Variants in RIMKLB observed in about 807,000 individuals in gnomAD.
The protein encoded by RIMKLB is ribosomal modification protein rimK like family member B.
Under a neutral mutation model 32.0 loss-of-function variants are expected in RIMKLB, and 7 were observed. That is an observed-to-expected ratio of 0.22 (90% confidence interval 0.12 to 0.41). The LOEUF is 0.41. Ranked by LOEUF, RIMKLB falls within the 10% of genes least tolerant of loss-of-function variation. The pLI, the probability that RIMKLB is intolerant of heterozygous loss-of-function variation, is 1.00. For missense variants in RIMKLB, 289 were observed against 498.7 expected (o/e 0.58, Z 4.00); for synonymous variants, 172 against 185.1 (o/e 0.93, Z 0.57).
At chr12:8,713,622 A>G (rs1944557238) in intron 1 of RIMKLB, 189 bp from the exon 2 acceptor site, 5 of 450,924 alleles carry the variant, frequency 1.1e-5, no homozygotes, top group East Asian at 8.8e-5. Flanking sequence ...ATATTTCTGA[A>G]GAGGTGGTCA....
intron 2 of RIMKLB, among the ~76,000 whole-genome samples, chr12:8,736,524 T>G (rs2137400874): frequency 6.7e-6 from 1 of 150,076 alleles, no homozygotes; most frequent in East Asian, 1.9e-4. Flanking sequence ...TTCCTTTTTT[T>G]TTTTTTTTTT....
At chr12:8,747,759 AT>A (rs756632593) in intron 2 of RIMKLB, among the ~76,000 whole-genome samples, 175 of 144,676 alleles carry the variant, frequency 1.2e-3, no homozygotes, top group Middle Eastern at 3.5e-3. Flanking sequence ...CTCTGGTACA[AT>A]TTTTTTTTTT....
At chr12:8,734,982 C>T (rs771441699) in intron 2 of RIMKLB, among the ~76,000 whole-genome samples, 6 of 152,218 alleles carry the variant, frequency 3.9e-5, no homozygotes, top group African/African-American at 1.2e-4. Flanking sequence ...TCAGAAATTT[C>T]ACTTCAGGGG....
At chr12:8,740,050 C>T (rs771007238) in intron 2 of RIMKLB, among the ~76,000 whole-genome samples, 6 of 152,216 alleles carry the variant, frequency 3.9e-5, no homozygotes, top group Non-Finnish European at 5.9e-5. Context: ...GGATTACAGA[C>T]GCTCACCACT....
intron 2 of RIMKLB, among the ~76,000 whole-genome samples, chr12:8,731,438 G>A (rs1343686054): frequency 6.6e-6 from 1 of 151,640 alleles, no homozygotes; most frequent in African/African-American, 2.4e-5. Flanking sequence ...GATTATTTTA[G>A]CCAGTTCCTG....
intron 2 of RIMKLB, among the ~76,000 whole-genome samples, chr12:8,737,650 CT>C (rs755836042): frequency 2.3e-4 from 35 of 152,044 alleles, no homozygotes; most frequent in Admixed American, 7.9e-4. Flanking sequence ...TTTTCCCCCC[CT>C]CATCTCTATT....
intron 1 of RIMKLB, among the ~76,000 whole-genome samples, chr12:8,706,694 C>T (rs1015226192): frequency 6.6e-6 from 1 of 151,988 alleles, no homozygotes; most frequent in African/African-American, 2.4e-5. Context: ...CTCAGGTGAT[C>T]CCGCCCACCT....
At chr12:8,675,054 G>A in the RIMKLB span, among the ~76,000 whole-genome samples, 2 of 151,820 alleles carry the variant, frequency 1.3e-5, no homozygotes, top group East Asian at 3.9e-4. Context: ...GTAGAGACAG[G>A]GTTTCACCAT....
intron 2 of RIMKLB, among the ~76,000 whole-genome samples, chr12:8,721,129 T>TTGG (rs1945403659): frequency 6.6e-6 from 1 of 152,200 alleles, no homozygotes; most frequent in African/African-American, 2.4e-5. Context: ...TAGGCACACC[T>TTGG]TGGAGATACT....
intron 2 of RIMKLB, among the ~76,000 whole-genome samples, chr12:8,727,220 T>G (rs1395174490): frequency 6.6e-6 from 1 of 151,778 alleles, no homozygotes; most frequent in Non-Finnish European, 1.5e-5. Flanking sequence ...GGCACTTTGG[T>G]TTGTTGTTGT....
chr12:8,740,559 G>A (rs183317313), intron 2 of RIMKLB, among the ~76,000 whole-genome samples: 11 of 152,218 alleles, frequency 7.2e-5, no homozygotes, highest in Admixed American at 1.3e-4. Context: ...TCCTCATAGC[G>A]TAGCTCTCAC....
At chr12:8,745,481 GCCT>G (rs1947995737) in intron 2 of RIMKLB, among the ~76,000 whole-genome samples, 1 of 151,384 alleles carries the variant, frequency 6.6e-6, no homozygotes, top group Non-Finnish European at 1.5e-5. Flanking sequence ...CGCAACCTCC[GCCT>G]CCCTGGTTCA....
intron 5 of RIMKLB, among the ~76,000 whole-genome samples, chr12:8,760,013 G>T (rs564519960): frequency 6.6e-6 from 1 of 152,138 alleles, no homozygotes; most frequent in Non-Finnish European, 1.5e-5. Flanking sequence ...TGTTACATAT[G>T]CATACGTGTG....
At chr12:8,740,811 G>A (rs1231229546) in intron 2 of RIMKLB, among the ~76,000 whole-genome samples, 1 of 152,164 alleles carries the variant, frequency 6.6e-6, no homozygotes, top group Non-Finnish European at 1.5e-5. Context: ...GTTAGCTCAT[G>A]CCCATAATCC....
intron 7 of RIMKLB, among the ~76,000 whole-genome samples, chr12:8,782,713 C>CA (rs1473052774): frequency 1.3e-5 from 2 of 151,982 alleles, no homozygotes; most frequent in Non-Finnish European, 2.9e-5. Flanking sequence ...AAGTCAGAAT[C>CA]AGAGTATATC....
chr12:8,721,736 G>GTGTTTTT (rs1361919266), intron 2 of RIMKLB, among the ~76,000 whole-genome samples: 1 of 152,002 alleles, frequency 6.6e-6, no homozygotes, highest in Non-Finnish European at 1.5e-5. Flanking sequence ...TGAATTATGA[G>GTGTTTTT]TGTTTTTTGT....
chr12:8,697,586 C>G (rs764351819), upstream of RIMKLB: 2 of 168,750 alleles, frequency 1.2e-5, no homozygotes, highest in African/African-American at 4.8e-5. Flanking sequence ...TGGGAGCAAA[C>G]CTCGCCCCCC....
intron 2 of RIMKLB, among the ~76,000 whole-genome samples, chr12:8,746,161 GCCCCAAACCAGCTTC>G (rs1349267614): frequency 6.6e-6 from 1 of 151,554 alleles, no homozygotes; most frequent in African/African-American, 2.4e-5. Context: ...AACATCTTCT[GCCCCAAACCAGCTTC>G]CCTTCTTAAC....
chr12:8,727,523 C>T (rs1443266854), intron 2 of RIMKLB, among the ~76,000 whole-genome samples: 1 of 152,218 alleles, frequency 6.6e-6, no homozygotes, highest in African/African-American at 2.4e-5. Context: ...AGGCATGAGC[C>T]ACTGCACTCA....
Sources: gnomAD v4.1 joint callset for allele counts (sites outside exome capture counted in the v4.1 genomes callset) on GRCh38, gnomAD v4.1.1 for gene constraint, MANE v1.5 for transcripts, NCBI Gene and HGNC (gene_info 2026-07-23, HGNC 2026-07-21) for gene names.